The following ASPRV1 variants were observed in gnomAD, a reference collection of about 807,000 sequenced individuals.
The protein encoded by ASPRV1 is aspartic peptidase retroviral like 1.
In ASPRV1, 7 loss-of-function variants were observed where a neutral mutation model predicts 11.0. That is an observed-to-expected ratio of 0.64 (90% confidence interval 0.36 to 1.20). The LOEUF is 1.20. Among genes scored for constraint, ASPRV1 ranks in the 50% most tolerant of loss-of-function variants. ASPRV1 has a pLI of 0.02. For synonymous variants in ASPRV1, 136 were observed against 138.4 expected (o/e 0.98, Z 0.12); for missense variants, 299 against 320.0 (o/e 0.93, Z 0.50).
the ASPRV1 span, among the ~76,000 whole-genome samples, chr2:69,934,437 G>A: frequency 4.9e-4 from 75 of 152,280 alleles, no homozygotes; most frequent in African/African-American, 1.3e-3. Flanking sequence ...AGTTGCCGTG[G>A]CTGCTGCTTC....
the ASPRV1 span, among the ~76,000 whole-genome samples, chr2:70,085,053 A>T: frequency 2.5e-3 from 380 of 152,330 alleles, 2 homozygotes; most frequent in African/African-American, 8.8e-3. Context: ...TGAACTGAAG[A>T]GTCCACAGAC....
chr2:70,086,133 A>G, the ASPRV1 span: 2 of 152,206 alleles, frequency 1.3e-5, no homozygotes, highest in Non-Finnish European at 2.9e-5. Context: ...CCTTCAGACC[A>G]GCCTGTGGGC....
At chr2:70,057,228 C>A in the ASPRV1 span, among the ~76,000 whole-genome samples, 1 of 151,388 alleles carries the variant, frequency 6.6e-6, no homozygotes, top group Non-Finnish European at 1.5e-5. Flanking sequence ...ACAGGGAAAA[C>A]CCATCTCTAT....
chr2:70,002,194 ATCT>A, the ASPRV1 span, among the ~76,000 whole-genome samples: 1 of 152,128 alleles, frequency 6.6e-6, no homozygotes, highest in African/African-American at 2.4e-5. Flanking sequence ...CCACCTTTCC[ATCT>A]ACCTGGTGGG....
the ASPRV1 span, among the ~76,000 whole-genome samples, chr2:70,036,674 T>C: frequency 2.0e-5 from 3 of 152,190 alleles, no homozygotes. Flanking sequence ...AAAGTAATTT[T>C]TATTTTTTTC....
the ASPRV1 span, among the ~76,000 whole-genome samples, chr2:70,072,861 GAAC>G: frequency 7.3e-6 from 1 of 137,840 alleles, no homozygotes; most frequent in African/African-American, 2.7e-5. Flanking sequence ...AGACCAGTCT[GAAC>G]AATATAGTGA....
chr2:70,021,293 T>C, the ASPRV1 span, among the ~76,000 whole-genome samples: 1 of 152,116 alleles, frequency 6.6e-6, no homozygotes, highest in African/African-American at 2.4e-5. Flanking sequence ...TCCTCATCCA[T>C]TGTTCTGTAC....
chr2:69,948,929 A>G, the ASPRV1 span, among the ~76,000 whole-genome samples: 1 of 148,858 alleles, frequency 6.7e-6, no homozygotes, highest in Non-Finnish European at 1.5e-5. Flanking sequence ...GGGGGCCCCC[A>G]CTTGGGGAGC....
chr2:70,000,185 A>C, the ASPRV1 span, among the ~76,000 whole-genome samples: 1 of 152,152 alleles, frequency 6.6e-6, no homozygotes, highest in Admixed American at 6.5e-5. Flanking sequence ...AGGATAAAAT[A>C]TTTGTAATAT....
At chr2:69,943,660 C>T in the ASPRV1 span, among the ~76,000 whole-genome samples, 7 of 152,214 alleles carry the variant, frequency 4.6e-5, no homozygotes, top group African/African-American at 9.7e-5. Context: ...TGAACAAATA[C>T]GGCTTGAGTA....
chr2:70,053,350 T>A, the ASPRV1 span, among the ~76,000 whole-genome samples: 1 of 152,100 alleles, frequency 6.6e-6, no homozygotes, highest in Admixed American at 6.6e-5. Flanking sequence ...GGTGCCTGTA[T>A]CTTTAGCCTG....
At chr2:69,997,868 A>G in the ASPRV1 span, 1 of 152,246 alleles carries the variant, frequency 6.6e-6, no homozygotes, top group African/African-American at 2.4e-5. Flanking sequence ...CCTCATCGTT[A>G]TTAATAACAA....
the ASPRV1 span, among the ~76,000 whole-genome samples, chr2:69,982,876 A>G: frequency 1.3e-5 from 2 of 152,202 alleles, no homozygotes; most frequent in African/African-American, 4.8e-5. Context: ...AGGCTGGCAG[A>G]TGGGCCCCTC....
the ASPRV1 span, chr2:69,942,437 G>A: frequency 2.6e-5 from 4 of 152,212 alleles, no homozygotes; most frequent in Non-Finnish European, 5.9e-5. Context: ...GGCACTGCTA[G>A]ATTCAGCTAT....
the ASPRV1 span, among the ~76,000 whole-genome samples, chr2:69,944,227 TAGAA>T: frequency 4.4e-4 from 67 of 152,344 alleles, no homozygotes; most frequent in Middle Eastern, 3.4e-3. Context: ...TGTAGATAAT[TAGAA>T]AGACAGCTTT....
chr2:70,024,144 TAAACTC>T, the ASPRV1 span, among the ~76,000 whole-genome samples: 1 of 149,074 alleles, frequency 6.7e-6, no homozygotes, highest in Non-Finnish European at 1.5e-5. Context: ...AAATGGAAGA[TAAACTC>T]AAGCTTTAAA....
the ASPRV1 span, among the ~76,000 whole-genome samples, chr2:70,061,202 C>A: frequency 6.6e-6 from 1 of 151,998 alleles, no homozygotes; most frequent in Non-Finnish European, 1.5e-5. Flanking sequence ...TCAAGACCAG[C>A]CTGGCTAACA....
At chr2:70,021,831 T>C in the ASPRV1 span, among the ~76,000 whole-genome samples, 5 of 151,098 alleles carry the variant, frequency 3.3e-5, no homozygotes, top group Admixed American at 2.6e-4. Flanking sequence ...GCCTCCTGAG[T>C]AGCTGGGACT....
upstream of ASPRV1, chr2:69,961,726 G>T (rs762459682): frequency 4.6e-6 from 7 of 1,514,164 alleles, no homozygotes; most frequent in South Asian, 2.7e-5. Context: ...TCCTCACCCC[G>T]CCCTCCTGCC....
Sources: gnomAD v4.1 joint callset for allele counts (sites outside exome capture counted in the v4.1 genomes callset) on GRCh38, gnomAD v4.1.1 for gene constraint, MANE v1.5 for transcripts, NCBI Gene and HGNC (gene_info 2026-07-23, HGNC 2026-07-21) for gene names.